PTPN14: variants seen among roughly 807,000 people sequenced by gnomAD.
The protein encoded by PTPN14 is protein tyrosine phosphatase non-receptor type 14, also known as tyrosine-protein phosphatase non-receptor type 14.
Under a neutral mutation model 126.8 loss-of-function variants are expected in PTPN14, and 53 were observed. The ratio of observed to expected loss-of-function variants is 0.42; its 90% CI spans 0.34 to 0.53. PTPN14 has a LOEUF of 0.53. Among genes scored for constraint, PTPN14 ranks in the 20% least tolerant of loss-of-function variants. The pLI, the probability that PTPN14 is intolerant of heterozygous loss-of-function variation, is 0.08. For missense variants in PTPN14, 1,257 were observed against 1,552.9 expected, an observed-to-expected ratio of 0.81 and a Z score of 3.20; for synonymous variants, 630 against 599.3, an observed-to-expected ratio of 1.05 and a Z score of -0.75.
intron 15 of PTPN14, among the ~76,000 whole-genome samples, chr1:214,373,086 G>T (rs1658256789): frequency 6.6e-6 from 1 of 152,144 alleles, no homozygotes; most frequent in Non-Finnish European, 1.5e-5. Flanking sequence ...ACTGAGTCTT[G>T]CTCTGCTGCT....
At chr1:214,475,454 CAGA>C (rs1337452462) in intron 1 of PTPN14, among the ~76,000 whole-genome samples, 1 of 152,190 alleles carries the variant, frequency 6.6e-6, no homozygotes, top group Non-Finnish European at 1.5e-5. Flanking sequence ...TCAATTCCAT[CAGA>C]AGAATACCTG....
At chr1:214,455,019 TCC>T (rs1298523056) in intron 2 of PTPN14, among the ~76,000 whole-genome samples, 1 of 152,146 alleles carries the variant, frequency 6.6e-6, no homozygotes, top group Non-Finnish European at 1.5e-5. Flanking sequence ...ACCCTACTCC[TCC>T]CGTTCTTCCT....
At chr1:214,496,821 A>G (rs1378363711) in intron 1 of PTPN14, among the ~76,000 whole-genome samples, 1 of 152,168 alleles carries the variant, frequency 6.6e-6, no homozygotes, top group African/African-American at 2.4e-5. Flanking sequence ...AGTTATAAAA[A>G]TCCTATATAA....
At chr1:214,491,050 AAAG>A (rs1420017734) in intron 1 of PTPN14, among the ~76,000 whole-genome samples, 16 of 150,944 alleles carry the variant, frequency 1.1e-4, no homozygotes, top group African/African-American at 3.4e-4. Context: ...AGAAAGAAAG[AAAG>A]AAAAACAAAG....
rs149198388 is a variant in PTPN14, at chr1:214,402,888, G to A, written c.576C>T (p.Ala192=). ...TTACCCTCTGCCTGCCTTACCTGTGGGCTTTGTGTTCTTGGGCTACCTTCT... is the reference window on the plus strand; with the variant it reads ...TTACCCTCTGCCTGCCTTACCTGTGAGCTTTGTGTTCTTGGGCTACCTTCT... ...LTQKVAQEHK[A]HSGILPAEAE... The change falls in exon 6 of 19, where the codon GCC becomes GCT. Residue 192 remains alanine (A), a synonymous_variant. Coordinates refer to ENST00000366956, the MANE Select transcript of PTPN14 (RefSeq NM_005401.5). 193 of 1,613,840 alleles carry A rather than the reference G, an allele frequency of 1.2e-4. 1 individual carries two copies. In the African/African-American group the frequency reaches 2.1e-3, roughly 18 times the overall value.
intron 1 of PTPN14, among the ~76,000 whole-genome samples, chr1:214,520,081 TATGCAGA>T (rs1655216920): frequency 1.4e-5 from 2 of 137,990 alleles, no homozygotes; most frequent in Non-Finnish European, 3.1e-5. Context: ...TATATATATA[TATGCAGA>T]ATATATGCAG....
At chr1:214,468,970 A>AT (rs536854338) in intron 1 of PTPN14, among the ~76,000 whole-genome samples, 5 of 152,072 alleles carry the variant, frequency 3.3e-5, no homozygotes, top group Non-Finnish European at 7.4e-5. Flanking sequence ...CTAGAAACAC[A>AT]TTTTTTTCAC....
In PTPN14 at chr1:214,348,761, G is replaced by A. The variant is rs1396822857; in HGVS notation, c.*9161C>T. On this transcript the variant is annotated 3_prime_UTR_variant, in exon 19 of 19. Transcript: ENST00000366956. ...CAATAGATATCTTTTACAAAAAAAG[G>A]TTAGAATAAAGATCTCACATTTGTA... is the stretch of plus-strand genomic sequence containing the variant. 3 of 152,082 alleles carry A rather than the reference G, an allele frequency of 2.0e-5. No individual in the cohort carries two copies. The highest frequency in any genetic ancestry group is 4.4e-5 in the Non-Finnish European group (3 of 68,014). 9.4% of individuals were successfully genotyped at this position (152,082 alleles called of 1,614,324 possible). A position where few individuals can be genotyped will look rare whatever the true frequency, so the allele number is the denominator to read the frequency against.
chr1:214,376,902 T>C (rs1658355245), intron 14 of PTPN14, among the ~76,000 whole-genome samples: 1 of 152,250 alleles, frequency 6.6e-6, no homozygotes, highest in Admixed American at 6.5e-5. Context: ...AAATGATTTC[T>C]CTGAAGTCCC....
chr1:214,510,429 C>G (rs137917519), intron 1 of PTPN14, among the ~76,000 whole-genome samples: 1 of 152,196 alleles, frequency 6.6e-6, no homozygotes, highest in African/African-American at 2.4e-5. Context: ...TACAAGAAAA[C>G]AGCAATACCT....
intron 2 of PTPN14, among the ~76,000 whole-genome samples, chr1:214,453,258 C>T (rs1204611054): frequency 2.6e-5 from 4 of 152,208 alleles, no homozygotes; most frequent in Admixed American, 1.3e-4. Flanking sequence ...GACAAACTTA[C>T]TTGGATGAAT....
At chr1:214,522,233 C>T (rs1655279048) in intron 1 of PTPN14, among the ~76,000 whole-genome samples, 1 of 152,094 alleles carries the variant, frequency 6.6e-6, no homozygotes, top group South Asian at 2.1e-4. Context: ...CTATGTCCAG[C>T]CTGAAGCTTC....
rs138466126 is a variant in PTPN14 at position 214,449,783 on chromosome 1, C to A, written c.344+2022G>T. 4.2e-3 allele frequency among the ~76,000 whole-genome samples: 632 copies of A among 152,048 alleles called. 2 individuals carry two copies. Among genetic ancestry groups the A allele is most frequent in the African/African-American group, 0.015 (616 of 41,472 alleles). ...TTTTTTGGATCAAGCTGTAAGCTAA[C>A]TCACGGCCTCTGTTTGCAATTATGC... On this transcript the variant is annotated intron_variant, in intron 3 of 18. Transcript: ENST00000366956.
intron 1 of PTPN14, among the ~76,000 whole-genome samples, chr1:214,471,330 A>G (rs1410171038): frequency 3.9e-5 from 6 of 152,188 alleles, no homozygotes; most frequent in African/African-American, 1.4e-4. Flanking sequence ...AACATGCACA[A>G]ACTTTCATGC....
At chr1:214,419,860 C>T (rs1183903795) in intron 3 of PTPN14, among the ~76,000 whole-genome samples, 2 of 152,072 alleles carry the variant, frequency 1.3e-5, no homozygotes, top group Admixed American at 6.6e-5. Context: ...GACAGGGTGG[C>T]CCATGCTGTT....
At chr1:214,379,277 T>C (rs960304675) in intron 13 of PTPN14, among the ~76,000 whole-genome samples, 4 of 152,202 alleles carry the variant, frequency 2.6e-5, no homozygotes, top group African/African-American at 9.6e-5. Context: ...GAGAGACTTT[T>C]TTCCTTATTC....
intron 1 of PTPN14, among the ~76,000 whole-genome samples, chr1:214,484,663 T>C (rs1379699654): frequency 1.3e-5 from 2 of 152,200 alleles, no homozygotes; most frequent in African/African-American, 4.8e-5. Context: ...GTCTGTACAC[T>C]TAACTTTAGA....
intron 10 of PTPN14, among the ~76,000 whole-genome samples, chr1:214,392,266 G>C (rs529425149): frequency 7.2e-5 from 11 of 152,172 alleles, no homozygotes; most frequent in African/African-American, 2.7e-4. Flanking sequence ...AAGAGGTTAG[G>C]AACCTCTTAT....
At chr1:214,434,538 A>C (rs1267852901) in intron 3 of PTPN14, among the ~76,000 whole-genome samples, 2 of 152,218 alleles carry the variant, frequency 1.3e-5, no homozygotes, top group Admixed American at 1.3e-4. Flanking sequence ...AAAGGCATCC[A>C]ATGGTAGTAG....
Sources: gnomAD v4.1 joint callset for allele counts (sites outside exome capture counted in the v4.1 genomes callset) on GRCh38, gnomAD v4.1.1 for gene constraint, MANE v1.5 for transcripts, NCBI Gene and HGNC (gene_info 2026-07-23, HGNC 2026-07-21) for gene names.